The following ROCK2 variants were observed in gnomAD, a reference collection of about 807,000 sequenced individuals.
ROCK2 encodes rho-associated protein kinase 2.
A neutral mutation model predicts 195.1 loss-of-function variants in ROCK2; 61 were observed. The observed-to-expected ratio is 0.31, with a 90% CI of 0.25 to 0.39. The LOEUF (loss-of-function observed/expected upper bound fraction) is 0.39. Among genes scored for constraint, ROCK2 ranks in the 10% least tolerant of loss-of-function variants. The pLI is 1.00. For missense variants in ROCK2, 1,109 were observed against 1,637.4 expected, an observed-to-expected ratio of 0.68 and a Z score of 5.57; for synonymous variants, 504 against 545.5, an observed-to-expected ratio of 0.92 and a Z score of 1.06.
At chr2:11,242,104 C>T (rs962995510) in intron 4 of ROCK2, among the ~76,000 whole-genome samples, 3 of 152,048 alleles carry the variant, frequency 2.0e-5, no homozygotes, top group Admixed American at 1.3e-4. Flanking sequence ...TTCCCAGCAT[C>T]CAGAACTTTG....
chr2:11,194,484 G>A, intron 28 of ROCK2, 140 bp from the exon 29 acceptor site: 1 of 372,912 alleles, frequency 2.7e-6, no homozygotes, highest in Non-Finnish European at 4.9e-6. Context: ...TATATCTTTA[G>A]GACAGTCTTC....
intron 19 of ROCK2, 135 bp from the exon 20 acceptor site, chr2:11,208,045 T>A (rs1664117454): frequency 6.1e-6 from 3 of 490,550 alleles, no homozygotes; most frequent in Non-Finnish European, 6.4e-6. Context: ...ATACTAAAAT[T>A]TTTTTTGTAT....
intron 1 of ROCK2, among the ~76,000 whole-genome samples, chr2:11,318,188 A>G (rs1015519992): frequency 1.3e-5 from 2 of 152,190 alleles, no homozygotes; most frequent in Admixed American, 6.5e-5. Context: ...GAATTGCCAC[A>G]CTGTCTTCCA....
chr2:11,195,044 T>G lies in ROCK2; in HGVS notation c.3449-19A>C. The G allele has an allele frequency of 1.4e-6, 2 of 1,451,574 alleles. No homozygotes were observed. The highest frequency in any genetic ancestry group is 9.4e-7 in the Non-Finnish European group (1 of 1,061,000). 89.9% of individuals were successfully genotyped at this position (1,451,574 alleles called of 1,614,324 possible). A position where few individuals can be genotyped will look rare whatever the true frequency, so the allele number is the denominator to read the frequency against. On this transcript the variant is annotated intron_variant, in intron 27 of 32. Transcript: ENST00000315872. ...CTTGATTCTACAAATAAGCACAACA[T>G]GTGAGGCTAAAGATAACAATTCTCC... is the stretch of plus-strand genomic sequence containing the variant.
At chr2:11,190,369 A>ATT (rs1558275653) in intron 32 of ROCK2, among the ~76,000 whole-genome samples, 5 of 66,546 alleles carry the variant, frequency 7.5e-5, no homozygotes, top group African/African-American at 1.7e-4. Context: ...AGTTTTTTAA[A>ATT]AAAAAAAAAA....
intron 16 of ROCK2, 56 bp downstream of exon 16, chr2:11,214,779 AAAGTT>A: frequency 6.8e-7 from 1 of 1,461,780 alleles, no homozygotes. Flanking sequence ...TCCATCATCT[AAAGTT>A]ATTTTTAAAA....
chr2:11,253,724 A>G (rs981883256), intron 3 of ROCK2, among the ~76,000 whole-genome samples: 1 of 152,380 alleles, frequency 6.6e-6, no homozygotes, highest in African/African-American at 2.4e-5. Context: ...GACTCAATTA[A>G]TATCTGCAAA....
At chr2:11,287,611 AAAGT>A in intron 2 of ROCK2, 40 bp downstream of exon 2, 1 of 562,670 alleles carries the variant, frequency 1.8e-6, no homozygotes, top group Non-Finnish European at 2.9e-6. Context: ...TCTCTTATCA[AAAGT>A]AGAGTTATAA....
intron 1 of ROCK2, among the ~76,000 whole-genome samples, chr2:11,290,441 T>A (rs73915154): frequency 0.023 from 3,508 of 151,974 alleles, 62 homozygotes; most frequent in East Asian, 0.052. Context: ...TCATTTTTTT[T>A]AAAAATGATA....
At chr2:11,283,555 G>A (rs1173325770) in intron 3 of ROCK2, among the ~76,000 whole-genome samples, 4 of 63,126 alleles carry the variant, frequency 6.3e-5, no homozygotes, top group Admixed American at 4.7e-4. Flanking sequence ...GCGACAGAGC[G>A]AGACTCCGTC....
chr2:11,196,765 T>C (rs1319080619), intron 27 of ROCK2, among the ~76,000 whole-genome samples: 3 of 152,230 alleles, frequency 2.0e-5, no homozygotes, highest in East Asian at 3.9e-4. Flanking sequence ...TCAAGGAGCG[T>C]GTGAGAACTG....
intron 20 of ROCK2, among the ~76,000 whole-genome samples, chr2:11,203,417 G>A (rs1663934705): frequency 6.6e-6 from 1 of 151,862 alleles, no homozygotes; most frequent in South Asian, 2.1e-4. Flanking sequence ...TTGTTGATAT[G>A]TTACCTCTGG....
chr2:11,315,497 G>C (rs541674641), intron 1 of ROCK2, among the ~76,000 whole-genome samples: 2 of 151,206 alleles, frequency 1.3e-5, no homozygotes, highest in Non-Finnish European at 2.9e-5. Flanking sequence ...TATCTGAGTC[G>C]GCATAATATA....
intron 1 of ROCK2, among the ~76,000 whole-genome samples, chr2:11,313,640 C>CT (rs1024065310): frequency 6.6e-6 from 1 of 151,750 alleles, no homozygotes; most frequent in African/African-American, 2.4e-5. Context: ...TTTTCTCTCT[C>CT]TTTTAACTTC....
At chr2:11,240,452 A>T (rs1238651638) in intron 4 of ROCK2, among the ~76,000 whole-genome samples, 1 of 152,278 alleles carries the variant, frequency 6.6e-6, no homozygotes, top group African/African-American at 2.4e-5. Context: ...GATGAAGTAT[A>T]ACAAACGTTA....
chr2:11,208,862 G>A (rs919325654), intron 18 of ROCK2, among the ~76,000 whole-genome samples: 13 of 151,988 alleles, frequency 8.6e-5, no homozygotes, highest in African/African-American at 2.7e-4. Context: ...CAAAGTGCTG[G>A]AATTACAGGC....
intron 1 of ROCK2, among the ~76,000 whole-genome samples, chr2:11,314,691 C>T (rs954154041): frequency 4.6e-5 from 7 of 151,930 alleles, no homozygotes; most frequent in Admixed American, 2.0e-4. Context: ...CACTGTTTTG[C>T]ATTTGCCACT....
At chr2:11,317,372 T>A (rs1484677689) in intron 1 of ROCK2, among the ~76,000 whole-genome samples, 1 of 151,242 alleles carries the variant, frequency 6.6e-6, no homozygotes, top group Non-Finnish European at 1.5e-5. Context: ...GAACTTGAAA[T>A]TGAATATTAA....
chr2:11,223,750 A>G (rs1664714822), intron 7 of ROCK2, among the ~76,000 whole-genome samples: 1 of 152,138 alleles, frequency 6.6e-6, no homozygotes, highest in Admixed American at 6.5e-5. Flanking sequence ...AAAAAATGGA[A>G]TGGGGTGAAC....
Sources: gnomAD v4.1 joint callset for allele counts (sites outside exome capture counted in the v4.1 genomes callset) on GRCh38, gnomAD v4.1.1 for gene constraint, MANE v1.5 for transcripts, NCBI Gene and HGNC (gene_info 2026-07-23, HGNC 2026-07-21) for gene names.